CBLN2: variants seen among roughly 807,000 people sequenced by gnomAD.
CBLN2 encodes cerebellin 2 precursor.
Under a neutral mutation model 15.0 loss-of-function variants are expected in CBLN2, and 7 were observed. That is an observed-to-expected ratio of 0.47 (90% confidence interval 0.27 to 0.88). The LOEUF is 0.88. CBLN2 is among the 40% of genes least tolerant of loss of function. The pLI is 0.14. For missense variants in CBLN2, 242 were observed against 304.5 expected (o/e 0.79, Z 1.53); for synonymous variants, 149 against 135.2 (o/e 1.10, Z -0.71).
chr18:72,559,442 G>A (rs1285716109), intron 1 of CBLN2, among the ~76,000 whole-genome samples: 4 of 152,134 alleles, frequency 2.6e-5, no homozygotes, highest in African/African-American at 4.8e-5. Flanking sequence ...TCCAAGTCGC[G>A]CCATTTTGGA....
rs150934617 is a variant in CBLN2, at chr18:72,634,963, A to G, written c.15+3362T>C. On this transcript the variant is annotated intron_variant, in intron 1 of 2. Transcript: ENST00000581073. ...TTCTTTGATCAAATTGACCAAAGAC[A>G]TGCTTCCTTCCTTTTCCCCCATTTC... Among the ~76,000 whole-genome samples the G allele has an allele frequency of 1.2e-3, 182 of 152,176 alleles. 1 individual carries two copies. The highest frequency in any genetic ancestry group is 4.0e-3 in the African/African-American group (165 of 41,532).
intron 1 of CBLN2, among the ~76,000 whole-genome samples, chr18:72,620,817 T>C (rs533255707): frequency 6.6e-6 from 1 of 152,320 alleles, no homozygotes. Context: ...CTTTCCAAAA[T>C]TGGATTATTA....
intron 1 of CBLN2, among the ~76,000 whole-genome samples, chr18:72,575,081 A>G (rs2069356208): frequency 6.6e-6 from 1 of 152,198 alleles, no homozygotes; most frequent in Non-Finnish European, 1.5e-5. Context: ...CTTCAGATGT[A>G]GAACCAACAG....
intron 1 of CBLN2, among the ~76,000 whole-genome samples, chr18:72,553,948 C>A (rs1191145462): frequency 6.6e-6 from 1 of 152,142 alleles, no homozygotes; most frequent in Non-Finnish European, 1.5e-5. Context: ...TTATGCCTAG[C>A]CTTCATTGCC....
chr18:72,553,490 AGAT>A (rs2144884176), intron 1 of CBLN2, among the ~76,000 whole-genome samples: 1 of 152,262 alleles, frequency 6.6e-6, no homozygotes, highest in East Asian at 1.9e-4. Context: ...ATAGATAGAT[AGAT>A]AGATAGATAT....
At chr18:72,628,683 A>T (rs1372752291) in intron 1 of CBLN2, among the ~76,000 whole-genome samples, 1 of 152,212 alleles carries the variant, frequency 6.6e-6, no homozygotes, top group Admixed American at 6.5e-5. Flanking sequence ...TGAAGGGGGA[A>T]CTGTTTCACA....
At chr18:72,548,831 C>T (rs1320695631), upstream of CBLN2, among the ~76,000 whole-genome samples, 3 of 151,912 alleles carry the variant, frequency 2.0e-5, no homozygotes, top group South Asian at 2.1e-4. Flanking sequence ...ACCCAGGCTG[C>T]GAAGATATGT....
At chr18:72,622,852 G>A (rs2069710296) in intron 1 of CBLN2, among the ~76,000 whole-genome samples, 1 of 152,118 alleles carries the variant, frequency 6.6e-6, no homozygotes, top group Non-Finnish European at 1.5e-5. Flanking sequence ...TCGTCTTTGA[G>A]CTATGTTCTA....
intron 1 of CBLN2, among the ~76,000 whole-genome samples, chr18:72,564,126 T>C (rs532646457): frequency 6.6e-6 from 1 of 152,202 alleles, no homozygotes; most frequent in African/African-American, 2.4e-5. Context: ...AATCAATGCC[T>C]GGACACACAC....
chr18:72,544,342 T>G lies in CBLN2; in HGVS notation c.-577A>C, dbSNP rs1374963258. The stretch of plus-strand genomic sequence containing the variant: ...GTGTCTGCTCCTCTGGACCTCGGAC[T>G]GGTGGAGCGGCTGGCGCTTGCGCTT... On this transcript the variant is annotated 5_prime_UTR_variant, in exon 1 of 5. Coordinates refer to ENST00000269503, the MANE Select transcript of CBLN2 (RefSeq NM_182511.4). 6.6e-6 allele frequency: 1 copy of G among 152,224 alleles called. No homozygotes were observed. Among genetic ancestry groups the G allele is most frequent in the East Asian group, 1.9e-4 (1 of 5,166 alleles). 9.4% of individuals were successfully genotyped at this position (152,224 alleles called of 1,614,324 possible). A position where few individuals can be genotyped will look rare whatever the true frequency, so the allele number is the denominator to read the frequency against.
At position 72,541,884 on chromosome 18, in the gene CBLN2, C is replaced by A; in HGVS notation, c.277G>T (p.Val93Leu). The change falls in exon 3 of 5, where the codon GTG (valine) becomes TTG (leucine). Residue 93 changes from valine to leucine, a missense_variant. Coordinates refer to ENST00000269503, the MANE Select transcript of CBLN2 (RefSeq NM_182511.4). ...GISVRSGSAK[V>L]AFSATRSTNH... ...GTGCTCCGCGTGGCGGAGAAGGCCACCTTGGCGCTGCCGGAGCGCACGGAG... is the reference window on the plus strand; with the variant it reads ...GTGCTCCGCGTGGCGGAGAAGGCCAACTTGGCGCTGCCGGAGCGCACGGAG... The A allele has an allele frequency of 6.2e-7, 1 of 1,607,008 alleles. No homozygotes were observed. Among genetic ancestry groups the A allele is most frequent in the Non-Finnish European group, 8.5e-7 (1 of 1,178,480 alleles).
intron 1 of CBLN2, among the ~76,000 whole-genome samples, chr18:72,559,186 C>T (rs1014437283): frequency 3.9e-5 from 6 of 152,214 alleles, no homozygotes; most frequent in African/African-American, 7.2e-5. Flanking sequence ...GTGATTGCTC[C>T]GGGTCTCAGG....
intron 1 of CBLN2, among the ~76,000 whole-genome samples, chr18:72,602,582 T>A (rs1048861206): frequency 6.6e-6 from 1 of 152,176 alleles, no homozygotes; most frequent in African/African-American, 2.4e-5. Context: ...ATACAGCAGT[T>A]GTCGGGGTGC....
chr18:72,555,900 T>C (rs559724322), intron 1 of CBLN2, among the ~76,000 whole-genome samples: 4 of 152,298 alleles, frequency 2.6e-5, no homozygotes, highest in African/African-American at 9.6e-5. Flanking sequence ...CTGTTGGTTA[T>C]GTGGAGCAGG....
At chr18:72,621,069 C>T (rs2069697541) in intron 1 of CBLN2, among the ~76,000 whole-genome samples, 1 of 152,176 alleles carries the variant, frequency 6.6e-6, no homozygotes, top group African/African-American at 2.4e-5. Context: ...ATTGGAATTA[C>T]ATGGAAACTT....
intron 1 of CBLN2, among the ~76,000 whole-genome samples, chr18:72,574,979 A>C (rs2069355484): frequency 2.6e-5 from 4 of 152,162 alleles, no homozygotes; most frequent in Admixed American, 2.6e-4. Context: ...AGGACGATGA[A>C]ACAGGTCGGG....
chr18:72,570,151 C>T lies in CBLN2; in HGVS notation c.16-31379G>A, dbSNP rs553771948. ...ATTATAGATTTTGTGAATGTATGGTCACATTTTTACAAACTGATCGATACT... is the reference window on the plus strand; with the variant it reads ...ATTATAGATTTTGTGAATGTATGGTTACATTTTTACAAACTGATCGATACT... On this transcript the variant is annotated intron_variant, in intron 1 of 2. Transcript: ENST00000581073. 4.6e-5 allele frequency among the ~76,000 whole-genome samples: 7 copies of T among 152,252 alleles called. No homozygotes were observed. The South Asian group carries it at 1.5e-3, about 32-fold the overall frequency.
intron 1 of CBLN2, among the ~76,000 whole-genome samples, chr18:72,603,944 G>A (rs1244290536): frequency 2.6e-5 from 4 of 152,310 alleles, no homozygotes; most frequent in African/African-American, 9.6e-5. Flanking sequence ...AAAATGTGGA[G>A]CACAGTCTAC....
chr18:72,588,926 C>T (rs888384159), intron 1 of CBLN2, among the ~76,000 whole-genome samples: 11 of 152,142 alleles, frequency 7.2e-5, no homozygotes, highest in Non-Finnish European at 1.6e-4. Flanking sequence ...ATGGGACTAA[C>T]GCGTGGGCAG....
Sources: allele counts gnomAD v4.1 joint callset (sites outside exome capture counted in the v4.1 genomes callset), GRCh38; gene constraint gnomAD v4.1.1; transcripts MANE v1.5; gene names NCBI Gene and HGNC (gene_info 2026-07-23, HGNC 2026-07-21).